Variants in TACC2 observed in about 807,000 individuals in gnomAD.
TACC2 encodes transforming acidic coiled-coil-containing protein 2.
TACC2 carries 137 observed loss-of-function variants against 227.3 expected under a neutral mutation model. The observed-to-expected ratio is 0.60, with a 90% confidence interval of 0.52 to 0.69. TACC2 has a LOEUF of 0.69. Among genes scored for constraint, TACC2 ranks in the 30% least tolerant of loss-of-function variants. The probability of loss-of-function intolerance (pLI) is 0.00; values close to 1 mark genes in which losing one functional copy is unlikely to be tolerated. For synonymous variants in TACC2, 1,523 were observed against 1,487.5 expected (o/e 1.02, Z -0.55); for missense variants, 3,470 against 3,694.4 (o/e 0.94, Z 1.57).
chr10:122,185,037 T>A (rs1227677316), intron 7 of TACC2, among the ~76,000 whole-genome samples: 6 of 148,640 alleles, frequency 4.0e-5, no homozygotes, highest in Middle Eastern at 3.4e-3. Flanking sequence ...TTTTTTTTTT[T>A]TTTTTTTTAG....
chr10:122,064,043 T>G (rs1217811592), intron 3 of TACC2, among the ~76,000 whole-genome samples: 1 of 151,950 alleles, frequency 6.6e-6, no homozygotes, highest in Non-Finnish European at 1.5e-5. Flanking sequence ...ATGCCTGTGG[T>G]CCCAGCTACT....
At chr10:122,207,023 G>A (rs548062802) in intron 8 of TACC2, among the ~76,000 whole-genome samples, 1 of 151,540 alleles carries the variant, frequency 6.6e-6, no homozygotes, top group South Asian at 2.1e-4. Flanking sequence ...GGGAGGCTGG[G>A]TGTGGTGGCT....
chr10:121,990,857 G>A (rs778885320), intron 1 of TACC2, among the ~76,000 whole-genome samples: 8 of 152,116 alleles, frequency 5.3e-5, no homozygotes, highest in Non-Finnish European at 1.2e-4. Flanking sequence ...TTGCCTTCTC[G>A]GCTCACTGCA....
intron 8 of TACC2, among the ~76,000 whole-genome samples, chr10:122,207,162 G>A (rs2095138916): frequency 6.6e-6 from 1 of 152,052 alleles, no homozygotes; most frequent in African/African-American, 2.4e-5. Flanking sequence ...AGCCAGGCGT[G>A]GTGGCACACA....
At chr10:122,090,987 G>A (rs1170127305) in intron 5 of TACC2, among the ~76,000 whole-genome samples, 2 of 152,124 alleles carry the variant, frequency 1.3e-5, no homozygotes, top group African/African-American at 4.8e-5. Flanking sequence ...CAATCTTCCT[G>A]CTTCTGCCTC....
At position 122,208,175 on chromosome 10, in the gene TACC2, G is replaced by T. The variant is rs1016479231; in HGVS notation, c.5972-2222G>T. Among the ~76,000 whole-genome samples the T allele has an allele frequency of 3.3e-5, 5 of 152,182 alleles. No homozygotes were observed. In the East Asian group the frequency reaches 9.6e-4, roughly 29 times the overall value. Reference sequence around the variant, plus strand: ...CTCCGTATTTAGGGCGTCTGCTCCAGGTAGGCCCTGGGTGGAGAAGAGGAG... The same window carrying T: ...CTCCGTATTTAGGGCGTCTGCTCCATGTAGGCCCTGGGTGGAGAAGAGGAG... On this transcript the variant is annotated intron_variant, in intron 8 of 22. Coordinates refer to ENST00000369005, the MANE Select transcript of TACC2 (RefSeq NM_206862.4).
rs1231310372 is a variant in TACC2 at position 122,085,398 on chromosome 10, A to G, written c.2898A>G (p.Ala966=). ...GQSSRVSPPA[A]DVLKDFSLAG... is the part of the protein sequence containing the mutation. The stretch of plus-strand genomic sequence containing the variant: ...CCTCGAGGGTCTCGCCTCCAGCAGC[A>G]GATGTCTTAAAAGACTTTTCTCTTG... Residue 966 remains alanine (A), a synonymous_variant, in exon 4 of 23, where the codon GCA becomes GCG. Transcript: ENST00000369005. 6.2e-7 allele frequency: 1 copy of G among 1,613,906 alleles called. No individual in the cohort carries two copies.
intron 3 of TACC2, among the ~76,000 whole-genome samples, chr10:122,059,476 C>T (rs2136369484): frequency 6.6e-6 from 1 of 152,186 alleles, no homozygotes; most frequent in East Asian, 1.9e-4. Flanking sequence ...CAGGGTTTAC[C>T]CCCAGGCCAA....
intron 5 of TACC2, among the ~76,000 whole-genome samples, chr10:122,105,230 C>T (rs7076095): frequency 0.35 from 53,707 of 152,082 alleles, 9,838 homozygotes; most frequent in Middle Eastern, 0.41. Flanking sequence ...AGCAAGGAAC[C>T]AGTATGCTCT....
At chr10:122,136,355 C>A (rs541063686) in intron 6 of TACC2, among the ~76,000 whole-genome samples, 1 of 152,080 alleles carries the variant, frequency 6.6e-6, no homozygotes, top group Non-Finnish European at 1.5e-5. Flanking sequence ...TGCAATCCCT[C>A]TGCACTTTCT....
intron 2 of TACC2, among the ~76,000 whole-genome samples, chr10:122,029,453 G>C (rs2461214): frequency 0.33 from 50,176 of 151,966 alleles, 8,599 homozygotes; most frequent in African/African-American, 0.42. Flanking sequence ...ATATTGCTCT[G>C]TAGTTTTCTT....
chr10:122,225,723 G>C (rs2095614023), intron 12 of TACC2, among the ~76,000 whole-genome samples: 1 of 152,194 alleles, frequency 6.6e-6, no homozygotes. Flanking sequence ...CCACTGCCTG[G>C]TGCGTTGGCA....
intron 11 of TACC2, among the ~76,000 whole-genome samples, chr10:122,219,191 C>A (rs1211132001): frequency 1.3e-5 from 2 of 151,904 alleles, no homozygotes; most frequent in African/African-American, 2.4e-5. Context: ...CTGCTGTAGA[C>A]CCCGCCTGCT....
chr10:122,043,074 C>T (rs867842553), intron 2 of TACC2, among the ~76,000 whole-genome samples: 1 of 152,092 alleles, frequency 6.6e-6, no homozygotes. Context: ...AGTTTATTGA[C>T]GGAGAGAGAG....
chr10:122,181,822 G>A (rs1044176547), intron 7 of TACC2, among the ~76,000 whole-genome samples: 2 of 152,190 alleles, frequency 1.3e-5, no homozygotes, highest in African/African-American at 4.8e-5. Context: ...CATTTTCAAG[G>A]CATTGAACAA....
chr10:122,235,119 C>CTCT (rs1491551242), intron 16 of TACC2, among the ~76,000 whole-genome samples: 4 of 152,212 alleles, frequency 2.6e-5, no homozygotes, highest in Non-Finnish European at 5.9e-5. Flanking sequence ...CAGAGTCTCA[C>CTCT]TCTGTCACCC....
At chr10:122,015,614 G>A (rs373130589) in intron 1 of TACC2, among the ~76,000 whole-genome samples, 3 of 151,918 alleles carry the variant, frequency 2.0e-5, no homozygotes, top group African/African-American at 7.2e-5. Context: ...CACTTTGGGA[G>A]GTTGAGGTGG....
At chr10:122,212,931 G>A (rs956867339) in intron 9 of TACC2, among the ~76,000 whole-genome samples, 3 of 146,272 alleles carry the variant, frequency 2.1e-5, no homozygotes, top group African/African-American at 5.3e-5. Flanking sequence ...AGACTGCAAG[G>A]CCGTGCTCTC....
chr10:122,212,925 T>G (rs1177645472), intron 9 of TACC2, among the ~76,000 whole-genome samples: 1 of 148,184 alleles, frequency 6.7e-6, no homozygotes, highest in Non-Finnish European at 1.5e-5. Flanking sequence ...ATGGCTAGAC[T>G]GCAAGGCCGT....
Sources: allele counts gnomAD v4.1 joint callset (sites outside exome capture counted in the v4.1 genomes callset), GRCh38; gene constraint gnomAD v4.1.1; transcripts MANE v1.5; gene names NCBI Gene and HGNC (gene_info 2026-07-23, HGNC 2026-07-21).